Variants in PTK7 observed in about 807,000 individuals in gnomAD.
PTK7 encodes protein tyrosine kinase 7 (inactive), also known as inactive tyrosine-protein kinase 7.
In PTK7, 39 loss-of-function variants were observed where a neutral mutation model predicts 116.6. That is an observed-to-expected ratio of 0.33 (90% CI 0.26 to 0.44). The LOEUF is 0.44. PTK7 is among the 20% of genes least tolerant of loss of function. The pLI is 1.00. For missense variants in PTK7, 1,169 were observed against 1,425.6 expected (o/e 0.82, Z 2.90); for synonymous variants, 546 against 563.6 (o/e 0.97, Z 0.44).
Position 43,132,361 on chromosome 6 carries a change from A to G in PTK7, c.962-60A>G, listed in dbSNP as rs144270328. The stretch of plus-strand genomic sequence containing the variant: ...AAGGGCCTAGGCTTGCTGTGGGAGA[A>G]CATCATGTACCCTGAGACCCACAAT... On this transcript the variant is annotated intron_variant, in intron 6 of 19. Coordinates refer to ENST00000230419, the MANE Select transcript of PTK7 (RefSeq NM_002821.5). 7.3e-4 allele frequency: 1,109 copies of G among 1,525,888 alleles called. 7 individuals are homozygous for G. The African/African-American group carries it at 0.013, about 18-fold the overall frequency. The allele number at this position is 1,525,888 out of a possible 1,614,324, so 94.5% of individuals were successfully genotyped here.
chr6:43,076,688 C>T lies in PTK7; in HGVS notation c.79+121C>T. The T allele has an allele frequency of 7.2e-7, 1 of 1,392,442 alleles. No homozygotes were observed. Among genetic ancestry groups the T allele is most frequent in the South Asian group, 1.4e-5 (1 of 70,062 alleles). 86.3% of individuals were successfully genotyped at this position (1,392,442 alleles called of 1,614,324 possible). A position where few individuals can be genotyped will look rare whatever the true frequency, so the allele number is the denominator to read the frequency against. ...ACGGCCCTGGAGTAGTGGAGAGGCTCGCTGGGGGTGCAGGCTTGCGGCGGA... is the reference window on the plus strand; with the variant it reads ...ACGGCCCTGGAGTAGTGGAGAGGCTTGCTGGGGGTGCAGGCTTGCGGCGGA... On this transcript the variant is annotated intron_variant, in intron 1 of 19. Coordinates refer to ENST00000230419, the MANE Select transcript of PTK7 (RefSeq NM_002821.5). The surrounding 1 kb of genome is among the most constrained non-coding windows in gnomAD (Gnocchi z 5.7).
At chr6:43,081,538 G>C (rs898658420) in intron 1 of PTK7, among the ~76,000 whole-genome samples, 1 of 152,072 alleles carries the variant, frequency 6.6e-6, no homozygotes, top group Non-Finnish European at 1.5e-5. Context: ...CTGAGTACCT[G>C]GGTTTACAGG....
Position 43,145,530 on chromosome 6 carries a change from C to A in PTK7, c.2640+98C>A. ...TTGGAGCACCGTGAAAACCTTGTCT[C>A]GTGCAGTCTCAGCCGAGACCTCACC... On this transcript the variant is annotated intron_variant, in intron 16 of 19. Coordinates refer to ENST00000230419, the MANE Select transcript of PTK7 (RefSeq NM_002821.5). This position sits in a 1 kb window ranked among gnomAD's most constrained non-coding sequence, Gnocchi z 4.8. The A allele has an allele frequency of 3.9e-6, 4 of 1,029,450 alleles. No homozygotes were observed. The highest frequency in any genetic ancestry group is 1.6e-5 in the African/African-American group (1 of 62,700). 63.8% of individuals were successfully genotyped at this position (1,029,450 alleles called of 1,614,324 possible).
intron 1 of PTK7, among the ~76,000 whole-genome samples, chr6:43,103,393 G>C (rs1337481151): frequency 6.6e-6 from 1 of 152,070 alleles, no homozygotes; most frequent in East Asian, 1.9e-4. Context: ...GTGGATAAAT[G>C]TCTTATTCAT....
chr6:43,157,351 TATA>T (rs1771522409), intron 17 of PTK7, among the ~76,000 whole-genome samples: 6 of 12,240 alleles, frequency 4.9e-4, no homozygotes, highest in South Asian at 2.4e-3. Context: ...TATATATATA[TATA>T]TATATATATA....
At chr6:43,128,732 C>T (rs113241414) in intron 1 of PTK7, among the ~76,000 whole-genome samples, 496 of 152,302 alleles carry the variant, frequency 3.3e-3, no homozygotes, top group Non-Finnish European at 5.0e-3. Context: ...TTGCAGTGAG[C>T]TGAGATCACA....
intron 1 of PTK7, among the ~76,000 whole-genome samples, chr6:43,124,189 A>G (rs538258419): frequency 6.6e-6 from 1 of 152,282 alleles, no homozygotes; most frequent in African/African-American, 2.4e-5. Context: ...GGGGACAGGA[A>G]TGTGCTGGTG....
chr6:43,116,607 T>TG (rs1455534305), intron 1 of PTK7, among the ~76,000 whole-genome samples: 1 of 36,326 alleles, frequency 2.8e-5, no homozygotes, highest in African/African-American at 2.0e-4. Context: ...AGCTGGTTTG[T>TG]GTGTGTGTGT....
chr6:43,142,291 A>T lies in PTK7; in HGVS notation c.2039A>T (p.Tyr680Phe). The change falls in exon 13 of 20, where the codon TAT (tyrosine) becomes TTT (phenylalanine). Residue 680 changes from tyrosine (Y) to phenylalanine (F), a missense_variant. Around this residue, in one of 3 missense-constraint regions of PTK7, gnomAD observed 678 missense variants for 853.8 expected, o/e 0.79. Coordinates refer to ENST00000230419, the MANE Select transcript of PTK7 (RefSeq NM_002821.5). ...CNIKHTEAPL[Y>F]VVDKPVPEES... is the part of the protein sequence containing the mutation. ...ATCAAGCACACGGAGGCCCCCCTCTATGTCGTGGGTATGGGCTGGGGAGGG... is the reference window on the plus strand; with the variant it reads ...ATCAAGCACACGGAGGCCCCCCTCTTTGTCGTGGGTATGGGCTGGGGAGGG... The T allele has an allele frequency of 6.2e-7, 1 of 1,614,114 alleles. No homozygotes were observed. The highest frequency in any genetic ancestry group is 1.1e-5 in the South Asian group (1 of 91,086).
intron 15 of PTK7, chr6:43,144,922 C>G (rs547112371): frequency 2.4e-6 from 1 of 412,364 alleles, no homozygotes; most frequent in Non-Finnish European, 4.3e-6. Context: ...GTCATAGTTA[C>G]GTTTTTTCCT....
chr6:43,150,709 C>T (rs1039037087), intron 17 of PTK7, among the ~76,000 whole-genome samples: 6 of 150,718 alleles, frequency 4.0e-5, no homozygotes, highest in African/African-American at 1.5e-4. Flanking sequence ...CTGAAGCAGC[C>T]TGGCCCCTTT....
intron 17 of PTK7, among the ~76,000 whole-genome samples, chr6:43,153,041 G>A (rs1281077733): frequency 3.3e-5 from 5 of 151,902 alleles, no homozygotes; most frequent in East Asian, 3.9e-4. Context: ...CTGCCTCGGC[G>A]TCCCAAAGTG....
At chr6:43,157,848 TCC>T (rs1214053365) in intron 17 of PTK7, among the ~76,000 whole-genome samples, 32 of 152,082 alleles carry the variant, frequency 2.1e-4, no homozygotes, top group Non-Finnish European at 3.7e-4. Context: ...TGCCTCAGCC[TCC>T]CCAGTAGCTG....
chr6:43,113,065 C>A (rs1768279487), intron 1 of PTK7, among the ~76,000 whole-genome samples: 1 of 152,052 alleles, frequency 6.6e-6, no homozygotes, highest in Admixed American at 6.6e-5. Context: ...TGAGCTCCTC[C>A]CATCTCAGCC....
rs780109906 is a variant in PTK7, at chr6:43,139,500, G to A, written c.1593G>A (p.Lys531=). 2.5e-6 allele frequency: 4 copies of A among 1,614,206 alleles called. No homozygotes were observed. The highest frequency in any genetic ancestry group is 2.2e-5 in the South Asian group (2 of 91,084). The part of the protein sequence containing the change: ...TVPCSATGRE[K]PTIKWERADG... ...CCTGTTCAGCCACAGGCCGAGAGAA[G>A]CCCACTATTAAGTGGGAACGGGCAG... is the stretch of plus-strand genomic sequence containing the variant. Residue 531 remains lysine (K), a synonymous_variant, in exon 10 of 20, where the codon AAG becomes AAA. Coordinates refer to ENST00000230419, the MANE Select transcript of PTK7 (RefSeq NM_002821.5). The surrounding 1 kb of genome is among the most constrained non-coding windows in gnomAD (Gnocchi z 4.6).
At chr6:43,113,801 G>A (rs1768331285) in intron 1 of PTK7, among the ~76,000 whole-genome samples, 1 of 152,162 alleles carries the variant, frequency 6.6e-6, no homozygotes, top group Non-Finnish European at 1.5e-5. Context: ...GATGAATAAT[G>A]GATGAGCCCA....
Position 43,139,153 on chromosome 6 carries a change from C to G in PTK7, c.1380C>G (p.Val460=), listed in dbSNP as rs1201182313. The part of the protein sequence containing the change: ...MLISEDSRFE[V]FKNGTLRINS... ...TGCTGCAGGACTCACGGTTCGAGGT[C>G]TTCAAGAATGGGACCTTGCGCATCA... Residue 460 remains valine (V), a synonymous_variant, in exon 9 of 20, where the codon GTC becomes GTG. Coordinates refer to ENST00000230419, the MANE Select transcript of PTK7 (RefSeq NM_002821.5). The surrounding 1 kb of genome is among the most constrained non-coding windows in gnomAD (Gnocchi z 4.6). The G allele has an allele frequency of 1.2e-6, 2 of 1,614,078 alleles. No homozygotes were observed. Among genetic ancestry groups the G allele is most frequent in the African/African-American group, 1.3e-5 (1 of 74,928 alleles).
intron 1 of PTK7, among the ~76,000 whole-genome samples, chr6:43,081,329 G>T (rs1456870604): frequency 6.6e-6 from 1 of 152,084 alleles, no homozygotes; most frequent in Middle Eastern, 3.2e-3. Context: ...ATTTACTGAG[G>T]GGCTCTCCCA....
rs1462611140 is a variant in PTK7, at chr6:43,139,139, T to C, written c.1366T>C (p.Ser456Pro). 1 of 1,614,192 alleles carries C rather than the reference T, an allele frequency of 6.2e-7. No homozygotes were observed. Among genetic ancestry groups the C allele is most frequent in the East Asian group, 2.2e-5 (1 of 44,886 alleles). Residue 456 changes from serine to proline, a missense_variant, in exon 9 of 20, where the codon TCA becomes CCA. Coordinates refer to ENST00000230419, the MANE Select transcript of PTK7 (RefSeq NM_002821.5). This position sits in a 1 kb window ranked among gnomAD's most constrained non-coding sequence, Gnocchi z 4.6. ...AGGCCTCTCACCTGTGCTGCAGGAC[T>C]CACGGTTCGAGGTCTTCAAGAATGG... is the stretch of plus-strand genomic sequence containing the variant. ...YRNQMLISEDSRFEVFKNGTL... is the reference protein window; with the variant it reads ...YRNQMLISEDPRFEVFKNGTL...
Sources: gnomAD v4.1 joint callset for allele counts (sites outside exome capture counted in the v4.1 genomes callset) on GRCh38, gnomAD v4.1.1 for gene constraint, gnomAD v4.1.1 regional missense constraint, Gnocchi (gnomAD v3.1) non-coding constraint, MANE v1.5 for transcripts, NCBI Gene and HGNC (gene_info 2026-07-23, HGNC 2026-07-21) for gene names.